Variants in RBM26 observed in about 807,000 individuals in gnomAD.
The protein encoded by RBM26 is RNA-binding protein 26.
RBM26 carries 30 observed loss-of-function variants against 123.6 expected under a neutral mutation model. The observed-to-expected ratio is 0.24, with a 90% confidence interval of 0.18 to 0.33. The LOEUF is 0.33. Among genes scored for constraint, RBM26 ranks in the 10% least tolerant of loss-of-function variants. The pLI is 1.00. For synonymous variants in RBM26, 400 were observed against 404.4 expected (o/e 0.99, Z 0.13); for missense variants, 947 against 1,203.6 (o/e 0.79, Z 3.15).
At chr13:79,392,454 T>C (rs980793917) in intron 1 of RBM26, among the ~76,000 whole-genome samples, 12 of 146,414 alleles carry the variant, frequency 8.2e-5, no homozygotes. Context: ...ATTATGTAAG[T>C]ATTATGTACT....
chr13:79,322,382 A>G lies in RBM26; in HGVS notation c.2901T>C (p.Val967=). The G allele has an allele frequency of 6.3e-7, 1 of 1,576,548 alleles. No homozygotes were observed. Among genetic ancestry groups the G allele is most frequent in the Non-Finnish European group, 8.6e-7 (1 of 1,165,030 alleles). ...CATCAGGCTCAACTTCTTCTGTTTC[A>G]ACAGCTGAAATATTAGTTACTGGTT... The part of the protein sequence containing the change: ...WNKPVTNISA[V]ETEEVEPDEE... The change falls in exon 21 of 22, where the codon GTT becomes GTC. Residue 967 remains valine, a synonymous_variant. Coordinates refer to ENST00000438737, the MANE Select transcript of RBM26 (RefSeq NM_001366735.2).
intron 16 of RBM26, 125 bp downstream of exon 16, chr13:79,344,123 C>A: frequency 1.4e-6 from 1 of 719,182 alleles, no homozygotes; most frequent in South Asian, 1.5e-5. Flanking sequence ...AATATTATCA[C>A]TGACAAATAT....
At position 79,377,534 on chromosome 13, in the gene RBM26, A is replaced by G; in HGVS notation, c.191-19T>C. ...TGTGTCTCTAAAAATAAAACCAAACACCATAGATTAAAACACATTTGTTAA... is the reference window on the plus strand; with the variant it reads ...TGTGTCTCTAAAAATAAAACCAAACGCCATAGATTAAAACACATTTGTTAA... On this transcript the variant is annotated intron_variant, in intron 2 of 21. Coordinates refer to ENST00000438737, the MANE Select transcript of RBM26 (RefSeq NM_001366735.2). 6.3e-7 allele frequency: 1 copy of G among 1,577,570 alleles called. No homozygotes were observed. Among genetic ancestry groups the G allele is most frequent in the Non-Finnish European group, 8.7e-7 (1 of 1,150,050 alleles).
At chr13:79,316,891 C>A (rs2138251536), downstream of RBM26, among the ~76,000 whole-genome samples, 1 of 151,844 alleles carries the variant, frequency 6.6e-6, no homozygotes, top group Middle Eastern at 3.4e-3. Flanking sequence ...ACTCAGCCTG[C>A]AGCCCAGCTC....
At chr13:79,402,085 A>G (rs973253553) in intron 1 of RBM26, among the ~76,000 whole-genome samples, 12 of 151,762 alleles carry the variant, frequency 7.9e-5, no homozygotes, top group Non-Finnish European at 1.6e-4. Context: ...AATACAGTAG[A>G]AAGTGTTTTC....
chr13:79,373,219 TATAA>T (rs1180891994), intron 3 of RBM26, among the ~76,000 whole-genome samples: 1 of 106,066 alleles, frequency 9.4e-6, no homozygotes, highest in Non-Finnish European at 1.7e-5. Flanking sequence ...TATAAATATA[TATAA>T]ATATGTATAT....
intron 3 of RBM26, among the ~76,000 whole-genome samples, chr13:79,372,857 A>AT (rs2076086864): frequency 1.5e-5 from 1 of 67,082 alleles, no homozygotes; most frequent in Admixed American, 2.1e-4. Flanking sequence ...TATTATATAA[A>AT]TATAAATATA....
At chr13:79,381,721 TA>T (rs1385319394) in intron 1 of RBM26, among the ~76,000 whole-genome samples, 1 of 152,072 alleles carries the variant, frequency 6.6e-6, no homozygotes, top group Non-Finnish European at 1.5e-5. Flanking sequence ...TTATGGTCTA[TA>T]AACCACAGTT....
chr13:79,392,368 A>G (rs901067289), intron 1 of RBM26, among the ~76,000 whole-genome samples: 10 of 144,028 alleles, frequency 6.9e-5, no homozygotes, highest in African/African-American at 2.5e-4. Context: ...TGATGTAACC[A>G]TTACTTTTTA....
Position 79,371,001 on chromosome 13 carries a change from C to T in RBM26, c.578G>A (p.Arg193His), listed in dbSNP as rs771821938. ...RSRSWSKERLRERDRDRSRTR... is the reference protein window; with the variant it reads ...RSRSWSKERLHERDRDRSRTR... ...CCTGCTTCTATCTCTGTCCCTCTCACGAAGCCTCTCTTTACTCCAACTTCG... is the reference window on the plus strand; with the variant it reads ...CCTGCTTCTATCTCTGTCCCTCTCATGAAGCCTCTCTTTACTCCAACTTCG... The change falls in exon 5 of 22, where the codon CGT (arginine) becomes CAT (histidine). Residue 193 changes from arginine (R) to histidine (H), a missense_variant. Coordinates refer to ENST00000438737, the MANE Select transcript of RBM26 (RefSeq NM_001366735.2). 3.1e-6 allele frequency: 5 copies of T among 1,598,176 alleles called. No individual in the cohort carries two copies. The highest frequency in any genetic ancestry group is 2.2e-5 in the South Asian group (2 of 90,776).
In RBM26 at chr13:79,366,884, G is replaced by A; in HGVS notation, c.896-12C>T. On this transcript the variant is annotated splice_polypyrimidine_tract_variant and intron_variant, in intron 6 of 21. Coordinates refer to ENST00000438737, the MANE Select transcript of RBM26 (RefSeq NM_001366735.2). ...ACAAAAACCCTTTTCTATGAGGAAG[G>A]AATAGTTAGAAACAAATGTCAAAAG... is the stretch of plus-strand genomic sequence containing the variant. The A allele has an allele frequency of 1.9e-6, 3 of 1,563,894 alleles. No individual in the cohort carries two copies. The highest frequency in any genetic ancestry group is 2.6e-6 in the Non-Finnish European group (3 of 1,150,202).
At chr13:79,334,526 T>C in intron 19 of RBM26, 96 bp from the exon 20 acceptor site, 3 of 587,594 alleles carry the variant, frequency 5.1e-6, no homozygotes, top group Non-Finnish European at 8.8e-6. Context: ...CTAATAAATA[T>C]AACCCAGAAT....
intron 1 of RBM26, among the ~76,000 whole-genome samples, chr13:79,403,385 A>G (rs1293453248): frequency 6.6e-6 from 1 of 152,184 alleles, no homozygotes; most frequent in Non-Finnish European, 1.5e-5. Context: ...TTTATGATAC[A>G]TGGAATATGT....
chr13:79,379,112 A>G (rs1158576415), intron 1 of RBM26, among the ~76,000 whole-genome samples: 2 of 152,184 alleles, frequency 1.3e-5, no homozygotes, highest in Non-Finnish European at 2.9e-5. Flanking sequence ...TTTCTTAAAA[A>G]CATACCCATC....
chr13:79,378,236 C>T (rs1317843840), intron 2 of RBM26, among the ~76,000 whole-genome samples: 1 of 152,168 alleles, frequency 6.6e-6, no homozygotes, highest in Non-Finnish European at 1.5e-5. Flanking sequence ...AATAAATAGG[C>T]AGTCATTTTC....
rs776345304 is a variant in RBM26 at position 79,367,406 on chromosome 13, C to CAAAAAAAAAAAAAAAAAAAAAAAAAA, written c.896-560_896-535dup. On this transcript the variant is annotated intron_variant, in intron 6 of 21. Transcript: ENST00000438737. ...TGGGGTATAGGGGGAGACTCCATCT[C>CAAAAAAAAAAAAAAAAAAAAAAAAAA]AAAAAAAAAAAAAAAAAAAAAAAAA... Among the ~76,000 whole-genome samples the CAAAAAAAAAAAAAAAAAAAAAAAAAA allele has an allele frequency of 1.6e-3, 63 of 39,628 alleles. 8 individuals are homozygous for CAAAAAAAAAAAAAAAAAAAAAAAAAA. The highest frequency in any genetic ancestry group is 3.2e-3 in the Non-Finnish European group (50 of 15,628). 26.0% of individuals were successfully genotyped at this position (39,628 alleles called of 152,430 possible).
chr13:79,331,050 G>A (rs936104869), intron 20 of RBM26, among the ~76,000 whole-genome samples: 8 of 114,622 alleles, frequency 7.0e-5, no homozygotes, highest in Admixed American at 2.0e-4. Flanking sequence ...TGGCTCTGTC[G>A]CCCAGGCTGA....
chr13:79,373,678 T>A (rs557393317), intron 3 of RBM26, among the ~76,000 whole-genome samples: 2 of 66,180 alleles, frequency 3.0e-5, no homozygotes, highest in Non-Finnish European at 5.0e-5. Context: ...TATATATTAC[T>A]ATATATAATA....
intron 20 of RBM26, among the ~76,000 whole-genome samples, chr13:79,328,078 T>C (rs1180659092): frequency 6.6e-6 from 1 of 152,064 alleles, no homozygotes; most frequent in Non-Finnish European, 1.5e-5. Flanking sequence ...TTGAGGAAAA[T>C]TTAGTATTAT....
Sources: gnomAD v4.1 joint callset for allele counts (sites outside exome capture counted in the v4.1 genomes callset) on GRCh38, gnomAD v4.1.1 for gene constraint, MANE v1.5 for transcripts, NCBI Gene and HGNC (gene_info 2026-07-23, HGNC 2026-07-21) for gene names.